GNAO1: variants seen among roughly 807,000 people sequenced by gnomAD.
The protein encoded by GNAO1 is G protein subunit alpha o1.
For synonymous variants in GNAO1, 164 were observed against 180.7 expected (o/e 0.91, Z 0.74); for missense variants, 166 against 478.7 (o/e 0.35, Z 6.10).
intron 2 of GNAO1, among the ~76,000 whole-genome samples, chr16:56,211,141 C>T (rs142464138): frequency 6.6e-6 from 1 of 152,196 alleles, no homozygotes; most frequent in African/African-American, 2.4e-5. Context: ...TTAGGGAAAG[C>T]CAGGTGGGGA....
chr16:56,280,701 G>A (rs1182767584), intron 3 of GNAO1, among the ~76,000 whole-genome samples: 10 of 152,140 alleles, frequency 6.6e-5, no homozygotes, highest in Non-Finnish European at 1.0e-4. Context: ...AGAGTGATGC[G>A]TAGCAACAAA....
rs1488933705 is a variant in GNAO1 at position 56,202,780 on chromosome 16, A to G, written c.161+10164A>G. Among the ~76,000 whole-genome samples, 4 of 152,372 alleles carry G rather than the reference A, an allele frequency of 2.6e-5. No homozygotes were observed. The East Asian group carries it at 7.7e-4, about 29-fold the overall frequency. On this transcript the variant is annotated intron_variant, in intron 2 of 8. Coordinates refer to ENST00000262493, the MANE Select transcript of GNAO1 (RefSeq NM_020988.3). ...AGCTGTGCTTATTTACTGGAGCACC[A>G]AAGACCAATAACATTTATTCTATTA...
chr16:56,258,640 C>T (rs1785038818), intron 2 of GNAO1, among the ~76,000 whole-genome samples: 1 of 152,252 alleles, frequency 6.6e-6, no homozygotes, highest in South Asian at 2.1e-4. Flanking sequence ...CCAGCAGCTT[C>T]CCTGTGGGGT....
At chr16:56,274,519 A>C (rs12600108) in intron 2 of GNAO1, among the ~76,000 whole-genome samples, 88,781 of 151,932 alleles carry the variant, frequency 0.58, 26,273 homozygotes, top group East Asian at 0.67. Context: ...TCATTATTGT[A>C]CGTCAACTGA....
intron 2 of GNAO1, among the ~76,000 whole-genome samples, chr16:56,202,029 G>A (rs764880334): frequency 2.6e-5 from 4 of 152,088 alleles, no homozygotes; most frequent in Admixed American, 6.5e-5. Flanking sequence ...GCAGGCATGC[G>A]TCTCCCATCA....
intron 3 of GNAO1, among the ~76,000 whole-genome samples, chr16:56,324,722 G>A (rs2037614236): frequency 6.6e-6 from 1 of 152,248 alleles, no homozygotes; most frequent in Admixed American, 6.5e-5. Context: ...CATGCCCAGT[G>A]AGGGCGAAGT....
intron 3 of GNAO1, among the ~76,000 whole-genome samples, chr16:56,327,858 T>C (rs2143645372): frequency 6.6e-6 from 1 of 152,284 alleles, no homozygotes; most frequent in South Asian, 2.1e-4. Flanking sequence ...TCCTTTCCCA[T>C]TTCCATGTTT....
intron 2 of GNAO1, among the ~76,000 whole-genome samples, chr16:56,216,301 G>A (rs1163972526): frequency 1.3e-5 from 2 of 152,172 alleles, no homozygotes; most frequent in Non-Finnish European, 2.9e-5. Flanking sequence ...GAAGTCCCAG[G>A]GAATTAAGCA....
chr16:56,254,792 A>C (rs1157544191), intron 2 of GNAO1, among the ~76,000 whole-genome samples: 1 of 152,018 alleles, frequency 6.6e-6, no homozygotes, highest in African/African-American at 2.4e-5. Context: ...TCTTTTCCCC[A>C]TATTCTCTAT....
At chr16:56,323,815 G>A (rs1195323831) in intron 3 of GNAO1, among the ~76,000 whole-genome samples, 2 of 152,178 alleles carry the variant, frequency 1.3e-5, no homozygotes, top group Non-Finnish European at 2.9e-5. Flanking sequence ...GAGAAGGACC[G>A]AGGCAGGGAG....
intron 3 of GNAO1, among the ~76,000 whole-genome samples, chr16:56,313,996 T>C (rs553306557): frequency 7.9e-5 from 12 of 152,330 alleles, no homozygotes; most frequent in Middle Eastern, 3.4e-3. Flanking sequence ...TTCACTGGCC[T>C]ACCTTGCACT....
At chr16:56,305,468 A>T (rs1378429198) in intron 3 of GNAO1, among the ~76,000 whole-genome samples, 1 of 152,160 alleles carries the variant, frequency 6.6e-6, no homozygotes, top group Non-Finnish European at 1.5e-5. Context: ...GAAAAATAAG[A>T]AGGAGACAAT....
chr16:56,301,695 C>T (rs750173255), intron 3 of GNAO1: 19 of 152,130 alleles, frequency 1.2e-4, no homozygotes, highest in Non-Finnish European at 2.4e-4. Context: ...TTGTGCTTCT[C>T]TTCCCAGTGG....
At chr16:56,347,568 A>C (rs549748454) in intron 6 of GNAO1, 1 of 985,342 alleles carries the variant, frequency 1.0e-6, no homozygotes, top group Non-Finnish European at 1.2e-6. Context: ...AGGCTGGGGG[A>C]AAAGCAGAAA....
At chr16:56,242,729 A>C (rs1311107194) in intron 2 of GNAO1, among the ~76,000 whole-genome samples, 2 of 152,274 alleles carry the variant, frequency 1.3e-5, no homozygotes, top group Non-Finnish European at 2.9e-5. Context: ...GTAAATCTTC[A>C]TGACTTTGGC....
chr16:56,251,536 G>T (rs1444955206), intron 2 of GNAO1, among the ~76,000 whole-genome samples: 1 of 152,128 alleles, frequency 6.6e-6, no homozygotes, highest in Admixed American at 6.5e-5. Flanking sequence ...GCTGAAATGG[G>T]TCTTAGGAAA....
At chr16:56,308,898 G>A (rs2037426075) in intron 3 of GNAO1, among the ~76,000 whole-genome samples, 2 of 152,124 alleles carry the variant, frequency 1.3e-5, no homozygotes, top group Non-Finnish European at 2.9e-5. Flanking sequence ...GGTTAGGATG[G>A]AGGGGCCAGA....
At chr16:56,237,704 A>G (rs532881193) in intron 2 of GNAO1, among the ~76,000 whole-genome samples, 2 of 152,356 alleles carry the variant, frequency 1.3e-5, no homozygotes, top group African/African-American at 4.8e-5. Context: ...TTCAGCTCCA[A>G]CAAAACCATG....
intron 2 of GNAO1, among the ~76,000 whole-genome samples, chr16:56,272,426 A>G (rs2037027148): frequency 6.6e-6 from 1 of 152,252 alleles, no homozygotes; most frequent in South Asian, 2.1e-4. Context: ...CAGGAAGCCT[A>G]TTTTTAACCT....
Sources: allele counts gnomAD v4.1 joint callset (sites outside exome capture counted in the v4.1 genomes callset), GRCh38; gene constraint gnomAD v4.1.1; transcripts MANE v1.5; gene names NCBI Gene and HGNC (gene_info 2026-07-23, HGNC 2026-07-21).